The following GREP1 variants were observed in gnomAD, a reference collection of about 807,000 sequenced individuals.
GREP1 encodes glycine-rich extracellular protein 1.
chr16:2,997,290 C>G (rs1028476699), intron 21 of GREP1: 2 of 398,618 alleles, frequency 5.0e-6, no homozygotes, highest in East Asian at 3.6e-5. Context: ...GCGCCAGGAT[C>G]CCTGGTTTCT....
intron 18 of GREP1, 168 bp downstream of exon 17, chr16:2,995,939 C>T (rs2072422381): frequency 1.9e-5 from 6 of 312,754 alleles, no homozygotes; most frequent in African/African-American, 6.7e-5. Context: ...GGAGCCCAGG[C>T]TTTTTTTTTT....
intron 28 of GREP1, 39 bp downstream of exon 25, chr16:2,999,982 C>T (rs1179321925): frequency 1.3e-5 from 5 of 399,034 alleles, no homozygotes; most frequent in Non-Finnish European, 2.2e-5. Flanking sequence ...CCTCCCTTCC[C>T]TTCCTCTTCC....
At chr16:2,994,576 G>A (rs2072414892) in intron 10 of GREP1, 122 bp from the exon 12 acceptor site, 1 of 398,144 alleles carries the variant, frequency 2.5e-6, no homozygotes, top group Non-Finnish European at 4.4e-6. Context: ...GTTGGAGGCT[G>A]CTGAGGAAAG....
At chr16:3,001,820 G>T (rs1041363373) in exon 35 of GREP1, 16 of 394,606 alleles carry the variant, frequency 4.1e-5, no homozygotes, top group Non-Finnish European at 4.5e-6. Context: ...ATGTGCCAGG[G>T]ACCATGTTCC....
chr16:2,995,861 T>C (rs753565797), exon 18 of GREP1: 19 of 397,960 alleles, frequency 4.8e-5, no homozygotes, highest in Non-Finnish European at 6.6e-5. Context: ...CTCCAGGATA[T>C]GGGAAAAGGC....
chr16:3,000,096 T>C (rs1208450223), exon 29 of GREP1: 6 of 398,906 alleles, frequency 1.5e-5, no homozygotes, highest in Non-Finnish European at 2.2e-5. Context: ...GTTTTAATGG[T>C]GGCCTCGAGC....
exon 12 of GREP1, chr16:2,994,806 G>A (rs1005317505): frequency 1.0e-5 from 4 of 399,062 alleles, no homozygotes; most frequent in Non-Finnish European, 1.8e-5. Flanking sequence ...TCTCCACCAG[G>A]CTATGTGGGG....
chr16:2,989,011 TG>T lies in GREP1; in HGVS notation c.100+395del. 2.0e-5 allele frequency: 5 copies of T among 250,964 alleles called. No homozygotes were observed. The highest frequency in any genetic ancestry group is 3.0e-5 in the Non-Finnish European group (4 of 132,564). 15.5% of individuals were successfully genotyped at this position (250,964 alleles called of 1,614,324 possible). A position where few individuals can be genotyped will look rare whatever the true frequency, so the allele number is the denominator to read the frequency against. On this transcript the variant is annotated intron_variant, in intron 2 of 34. Coordinates refer to ENST00000573315, the Ensembl canonical transcript of GREP1. This position sits in a 1 kb window ranked among gnomAD's most constrained non-coding sequence, Gnocchi z 4.2. ...TGGAAGAGTCTTTACTTCAGGGACC[TG>T]GGGGGTCCTAAGGGTAGAAGGAGGG...
At chr16:2,997,119 C>A (rs377677976) in intron 21 of GREP1, 34 bp downstream of exon 20, 3 of 399,096 alleles carry the variant, frequency 7.5e-6, no homozygotes, top group East Asian at 3.6e-5. Context: ...TCTGCCTCCC[C>A]CAAACCCTGA....
Position 2,998,537 on chromosome 16 carries a change from G to C in GREP1, c.1012+14G>C, listed in dbSNP as rs1457554717. ...GGCCCTGGCCAGGTGAGGCCACTGG[G>C]ACCAGGGGTGGGGGCCCAGGAGGAA... On this transcript the variant is annotated intron_variant, in intron 25 of 34. Transcript: ENST00000573315. 1 of 399,062 alleles carries C rather than the reference G, an allele frequency of 2.5e-6. No homozygotes were observed. The highest frequency in any genetic ancestry group is 2.1e-5 in the African/African-American group (1 of 48,644). The allele number at this position is 399,062 out of a possible 1,614,324, so 24.7% of individuals were successfully genotyped here. A position where few individuals can be genotyped will look rare whatever the true frequency, so the allele number is the denominator to read the frequency against.
chr16:2,997,159 G>C, intron 21 of GREP1, 74 bp downstream of exon 20: 1 of 398,950 alleles, frequency 2.5e-6, no homozygotes. Context: ...CCCCACCTCA[G>C]CTCCATCGGC....
At chr16:2,999,479 C>CTTTT (rs35368761) in intron 27 of GREP1, among the ~76,000 whole-genome samples, 21 of 75,534 alleles carry the variant, frequency 2.8e-4, no homozygotes, top group African/African-American at 4.8e-4. Context: ...CCCTCTTGCT[C>CTTTT]TTTTTTTTTT....
chr16:2,994,507 C>T, intron 10 of GREP1, 191 bp from the exon 12 acceptor site: 5 of 391,688 alleles, frequency 1.3e-5, no homozygotes, highest in Non-Finnish European at 2.3e-5. Context: ...GAGACTCCAT[C>T]TCAAGAAAAT....
chr16:2,998,827 CT>C lies in GREP1; in HGVS notation c.1013-20del, dbSNP rs2151109896. 2.5e-6 allele frequency: 1 copy of C among 399,140 alleles called. No homozygotes were observed. Among genetic ancestry groups the C allele is most frequent in the Non-Finnish European group, 4.4e-6 (1 of 226,120 alleles). The allele number at this position is 399,140 out of a possible 1,614,324, so 24.7% of individuals were successfully genotyped here. On this transcript the variant is annotated intron_variant, in intron 25 of 34. Transcript: ENST00000573315. ...ACTGGCCTGGAGCATAGCCCCACCC[CT>C]CCCTTCCTTCCCATCGTAGGTCCCT...
chr16:2,995,804 T>C (rs530401469), intron 17 of GREP1, 33 bp downstream of exon 17: 122 of 398,548 alleles, frequency 3.1e-4, no homozygotes, highest in African/African-American at 2.3e-3. Flanking sequence ...TGCCTCTCTA[T>C]GCACGAACCC....
intron 13 of GREP1, 64 bp downstream of exon 14, chr16:2,995,026 G>A (rs954745375): frequency 3.0e-5 from 12 of 398,836 alleles, no homozygotes; most frequent in Admixed American, 8.8e-5. Context: ...TCCCAGGGGC[G>A]GGATTGGTGA....
At chr16:3,001,308 A>G (rs930789674) in exon 34 of GREP1, 2 of 398,998 alleles carry the variant, frequency 5.0e-6, no homozygotes, top group African/African-American at 2.1e-5. Context: ...AGAGGCAGCA[A>G]TGGCCAGCTG....
chr16:2,988,972 G>A, intron 2 of GREP1: 3 of 310,302 alleles, frequency 9.7e-6, no homozygotes. Context: ...TGAGGGGCAG[G>A]AGGTGGAGTG....
chr16:2,992,605 C>T lies in GREP1; in HGVS notation c.323-200C>T. The T allele has an allele frequency of 2.6e-6, 1 of 387,900 alleles. No homozygotes were observed. The highest frequency in any genetic ancestry group is 4.6e-6 in the Non-Finnish European group (1 of 219,730). 24.0% of individuals were successfully genotyped at this position (387,900 alleles called of 1,614,324 possible). ...GGCCATGGAGGACACCCAAGCTGGT[C>T]AAGGGTGGCCACGGTCTGGACTCCC... On this transcript the variant is annotated intron_variant, in intron 8 of 34. Transcript: ENST00000573315. This position sits in a 1 kb window ranked among gnomAD's most constrained non-coding sequence, Gnocchi z 4.9.
Sources: gnomAD v4.1 joint callset for allele counts (sites outside exome capture counted in the v4.1 genomes callset) on GRCh38, gnomAD v4.1.1 for gene constraint, Gnocchi (gnomAD v3.1) non-coding constraint, MANE v1.5 for transcripts, NCBI Gene and HGNC (gene_info 2026-07-23, HGNC 2026-07-21) for gene names.